The following EIF2AK4 variants were observed in gnomAD, a reference collection of about 807,000 sequenced individuals.
EIF2AK4 encodes the protein eukaryotic translation initiation factor 2 alpha kinase 4, also known as eIF-2-alpha kinase GCN2.
Under a neutral mutation model 211.1 loss-of-function variants are expected in EIF2AK4, and 139 were observed. That is an observed-to-expected ratio of 0.66 (90% confidence interval 0.57 to 0.76). The LOEUF (loss-of-function observed/expected upper bound fraction) is 0.76. Among genes scored for constraint, EIF2AK4 ranks in the 30% least tolerant of loss-of-function variants. The probability of loss-of-function intolerance (pLI) is 0.00; values close to 1 mark genes in which losing one functional copy is unlikely to be tolerated. For synonymous variants in EIF2AK4, 710 were observed against 751.3 expected (o/e 0.94, Z 0.90); for missense variants, 1,664 against 2,043.8 (o/e 0.81, Z 3.58).
At chr15:40,002,493 C>T (rs948579611) in intron 21 of EIF2AK4, 60 of 473,122 alleles carry the variant, frequency 1.3e-4, no homozygotes, top group East Asian at 2.1e-4. Flanking sequence ...CCCAGGCATC[C>T]TTCCCATTGG....
At chr15:40,011,255 A>T in intron 26 of EIF2AK4, 26 bp from the exon 27 acceptor site, 1 of 1,611,154 alleles carries the variant, frequency 6.2e-7, no homozygotes, top group Non-Finnish European at 8.5e-7. Flanking sequence ...CGCGACTCTC[A>T]TTGTTACCTT....
intron 29 of EIF2AK4, among the ~76,000 whole-genome samples, chr15:40,017,928 C>T (rs938564354): frequency 6.6e-6 from 1 of 152,084 alleles, no homozygotes; most frequent in African/African-American, 2.4e-5. Flanking sequence ...CATTTTATCA[C>T]GTGTACTTTC....
chr15:40,033,564 A>G (rs967665393), intron 37 of EIF2AK4, among the ~76,000 whole-genome samples: 2 of 152,218 alleles, frequency 1.3e-5, no homozygotes, highest in Non-Finnish European at 2.9e-5. Context: ...CAGAGTGTTT[A>G]GTCACAAATT....
intron 33 of EIF2AK4, among the ~76,000 whole-genome samples, chr15:40,027,102 C>T (rs190486954): frequency 3.4e-4 from 52 of 152,166 alleles, no homozygotes; most frequent in Admixed American, 8.5e-4. Flanking sequence ...TACATGCTAA[C>T]GTAACATATT....
chr15:40,021,818 G>A (rs1486049522), intron 31 of EIF2AK4: 1 of 152,410 alleles, frequency 6.6e-6, no homozygotes, highest in Non-Finnish European at 1.5e-5. Context: ...GCGATGACCA[G>A]GGACACAGAC....
intron 13 of EIF2AK4, among the ~76,000 whole-genome samples, chr15:39,981,436 G>A (rs35647585): frequency 0.098 from 14,893 of 152,040 alleles, 858 homozygotes; most frequent in Middle Eastern, 0.24. Flanking sequence ...CATTTGTTAT[G>A]CACATAATTA....
chr15:39,956,564 G>A (rs908617621), intron 6 of EIF2AK4, among the ~76,000 whole-genome samples: 1 of 152,154 alleles, frequency 6.6e-6, no homozygotes, highest in African/African-American at 2.4e-5. Context: ...ACTGAGGTGG[G>A]CTCCTGGGCT....
chr15:39,989,087 A>G (rs566858161), intron 15 of EIF2AK4, among the ~76,000 whole-genome samples: 1 of 152,348 alleles, frequency 6.6e-6, no homozygotes, highest in East Asian at 1.9e-4. Context: ...CACCCTTCCT[A>G]GGAACACGGG....
chr15:40,033,736 G>A (rs1216063097), intron 37 of EIF2AK4, among the ~76,000 whole-genome samples: 1 of 152,140 alleles, frequency 6.6e-6, no homozygotes. Context: ...TGTACAAAAA[G>A]TAAACAGAGG....
intron 9 of EIF2AK4, among the ~76,000 whole-genome samples, chr15:39,971,013 CACA>C (rs984663207): frequency 1.3e-5 from 2 of 152,174 alleles, no homozygotes; most frequent in African/African-American, 4.8e-5. Context: ...GTCCAGAACT[CACA>C]ACGACAGTTG....
intron 6 of EIF2AK4, among the ~76,000 whole-genome samples, chr15:39,959,077 A>T (rs544070): frequency 0.99 from 150,973 of 152,326 alleles, 74,829 homozygotes; most frequent in East Asian, 1. Flanking sequence ...ACTGCCACAG[A>T]TACTTGGCAA....
In EIF2AK4 at chr15:39,993,076, T is replaced by TCATCCATC. The variant is rs879298953; in HGVS notation, c.2766+251_2766+258dup. On this transcript the variant is annotated intron_variant, in intron 18 of 38. Transcript: ENST00000263791. ...TCCATCCATCCATCCATCCATCCAT[T>TCATCCATC]CATCCATCCATCCATCCATCCATCC... 2.1e-4 allele frequency among the ~76,000 whole-genome samples: 14 copies of TCATCCATC among 66,534 alleles called. No individual in the cohort carries two copies. In the South Asian group the frequency reaches 5.5e-3, roughly 26 times the overall value. The allele number at this position is 66,534 out of a possible 152,430, so 43.6% of individuals were successfully genotyped here. A position where few individuals can be genotyped will look rare whatever the true frequency, so the allele number is the denominator to read the frequency against.
chr15:39,943,894 A>G (rs1343394503), intron 3 of EIF2AK4, among the ~76,000 whole-genome samples: 1 of 152,144 alleles, frequency 6.6e-6, no homozygotes, highest in East Asian at 1.9e-4. Context: ...GTTTGAGGTT[A>G]CAGTGAGCTA....
intron 24 of EIF2AK4, among the ~76,000 whole-genome samples, chr15:40,007,763 G>A (rs1159815356): frequency 6.6e-6 from 1 of 152,014 alleles, no homozygotes; most frequent in Non-Finnish European, 1.5e-5. Flanking sequence ...CAATCACTAA[G>A]GTAAAATTTT....
At chr15:39,937,548 G>A (rs912149900) in intron 1 of EIF2AK4, among the ~76,000 whole-genome samples, 1 of 151,962 alleles carries the variant, frequency 6.6e-6, no homozygotes, top group Non-Finnish European at 1.5e-5. Flanking sequence ...TAATTTATGT[G>A]ATTTAAAAAA....
chr15:40,025,408 A>G (rs1206759644), intron 32 of EIF2AK4, among the ~76,000 whole-genome samples: 1 of 152,210 alleles, frequency 6.6e-6, no homozygotes, highest in South Asian at 2.1e-4. Context: ...GGAGAAACCG[A>G]GGACAGTGAT....
intron 10 of EIF2AK4, 68 bp from the exon 11 acceptor site, chr15:39,973,521 CATT>C: frequency 2.1e-6 from 3 of 1,444,610 alleles, no homozygotes; most frequent in Middle Eastern, 1.8e-4. Context: ...GGGCTTCCAT[CATT>C]GTTGGCTATG....
chr15:39,965,987 G>A, intron 8 of EIF2AK4, 144 bp downstream of exon 8: 1 of 1,131,400 alleles, frequency 8.8e-7, no homozygotes, highest in Non-Finnish European at 1.2e-6. Flanking sequence ...GGACAGTGAA[G>A]GACCAGTACC....
At position 39,967,383 on chromosome 15, in the gene EIF2AK4, T is replaced by C. The variant is rs1221650489; in HGVS notation, c.1057T>C (p.Leu353=). 6 of 1,605,732 alleles carry C rather than the reference T, an allele frequency of 3.7e-6. No individual in the cohort carries two copies. The highest frequency in any genetic ancestry group is 1.1e-5 in the South Asian group (1 of 90,900). ...TETEFNSLVK[L]SHPNVVRYLA... is the part of the protein sequence containing the mutation. ...AACAGAATTCAACTCACTGGTAAAATTGAGCCATCCAAATGTAGTACGCTA... is the reference window on the plus strand; with the variant it reads ...AACAGAATTCAACTCACTGGTAAAACTGAGCCATCCAAATGTAGTACGCTA... The change falls in exon 9 of 39, where the codon TTG becomes CTG. Residue 353 remains leucine, a synonymous_variant. Transcript: ENST00000263791.
Sources: allele counts gnomAD v4.1 joint callset (sites outside exome capture counted in the v4.1 genomes callset), GRCh38; gene constraint gnomAD v4.1.1; transcripts MANE v1.5; gene names NCBI Gene and HGNC (gene_info 2026-07-23, HGNC 2026-07-21).